The following FRMPD4 variants were observed in gnomAD, a reference collection of about 807,000 sequenced individuals.
FRMPD4 encodes FERM and PDZ domain containing 4, also known as FERM and PDZ domain-containing protein 4.
FRMPD4 carries 22 observed loss-of-function variants against 94.1 expected under a neutral mutation model. The ratio of observed to expected loss-of-function variants is 0.23; its 90% confidence interval spans 0.17 to 0.33. FRMPD4 has a LOEUF of 0.33. Ranked by LOEUF, FRMPD4 falls within the 10% of genes least tolerant of loss-of-function variation. FRMPD4 has a pLI of 1.00. For synonymous variants in FRMPD4, 631 were observed against 548.6 expected (o/e 1.15, Z -2.10); for missense variants, 1,111 against 1,339.9 (o/e 0.83, Z 2.67).
At chrX:12,214,998 C>A (rs891000153) in intron 1 of FRMPD4, among the ~76,000 whole-genome samples, 1 of 110,839 alleles carries the variant, frequency 9.0e-6, no homozygotes, top group African/African-American at 3.3e-5. Flanking sequence ...GATATATATG[C>A]ATATATGTGT....
At chrX:12,625,909 A>G (rs1425478594) in intron 4 of FRMPD4, among the ~76,000 whole-genome samples, 2 of 111,961 alleles carry the variant, frequency 1.8e-5, no homozygotes, top group Non-Finnish European at 3.8e-5. Flanking sequence ...CCCCCAAAAT[A>G]CACACATCTC....
At chrX:12,413,777 G>C (rs2056765010) in intron 1 of FRMPD4, among the ~76,000 whole-genome samples, 3 of 112,458 alleles carry the variant, frequency 2.7e-5, no homozygotes, top group African/African-American at 9.7e-5. Context: ...GCAAATTCTT[G>C]TGTTTGAGGA....
chrX:12,651,820 T>G (rs1057108226), intron 4 of FRMPD4, among the ~76,000 whole-genome samples: 4 of 112,287 alleles, frequency 3.6e-5, no homozygotes, highest in Non-Finnish European at 7.5e-5. Flanking sequence ...TCAAGGCAAA[T>G]TGATTTGAAT....
intron 1 of FRMPD4, among the ~76,000 whole-genome samples, chrX:12,273,076 CA>C (rs748285844): frequency 0.022 from 1,611 of 74,351 alleles, 25 homozygotes; most frequent in African/African-American, 0.069. Context: ...GACTTGGTTT[CA>C]AAAAAAAAAA....
chrX:12,264,785 A>C (rs188619847), intron 1 of FRMPD4, among the ~76,000 whole-genome samples: 1 of 112,544 alleles, frequency 8.9e-6, no homozygotes, highest in Non-Finnish European at 1.9e-5. Context: ...TGACAAAGTT[A>C]TTTTAAGATA....
At chrX:12,483,574 T>G (rs372498735) in intron 1 of FRMPD4, among the ~76,000 whole-genome samples, 1 of 112,130 alleles carries the variant, frequency 8.9e-6, no homozygotes, top group South Asian at 3.7e-4. Flanking sequence ...ATGGAGACCT[T>G]TTATTAGTAT....
intron 1 of FRMPD4, among the ~76,000 whole-genome samples, chrX:12,398,079 T>A (rs1419388169): frequency 9.0e-6 from 1 of 111,190 alleles, no homozygotes; most frequent in Non-Finnish European, 1.9e-5. Flanking sequence ...CACCTTTGAT[T>A]TGACCACTTT....
intron 3 of FRMPD4, among the ~76,000 whole-genome samples, chrX:12,016,787 T>C (rs1211713952): frequency 8.9e-6 from 1 of 111,958 alleles, no homozygotes. Flanking sequence ...CCGACTCCAT[T>C]TCTTCCTCAG....
intron 4 of FRMPD4, among the ~76,000 whole-genome samples, chrX:12,663,131 A>G (rs139050097): frequency 0.068 from 7,588 of 111,652 alleles, 269 homozygotes; most frequent in Middle Eastern, 0.14. Flanking sequence ...GATTGCAAGA[A>G]TTTTCTTCCA....
chrX:12,661,630 C>T (rs1226968489), intron 4 of FRMPD4, among the ~76,000 whole-genome samples: 2 of 111,919 alleles, frequency 1.8e-5, no homozygotes, highest in Non-Finnish European at 3.8e-5. Flanking sequence ...CAAGCTTCAG[C>T]GGCAATGAGC....
intron 3 of FRMPD4, among the ~76,000 whole-genome samples, chrX:11,990,479 T>C (rs748779265): frequency 1.8e-5 from 2 of 112,151 alleles, no homozygotes; most frequent in Non-Finnish European, 3.8e-5. Context: ...TAAATAAAAT[T>C]TAAAAATTAA....
At chrX:11,950,510 G>T (rs918666254) in intron 3 of FRMPD4, among the ~76,000 whole-genome samples, 3 of 111,392 alleles carry the variant, frequency 2.7e-5, no homozygotes, top group African/African-American at 9.8e-5. Context: ...TAGATCTCCA[G>T]ACTTATTCAT....
intron 1 of FRMPD4, among the ~76,000 whole-genome samples, chrX:12,462,222 C>T (rs1404912376): frequency 1.8e-5 from 2 of 111,511 alleles, no homozygotes; most frequent in Non-Finnish European, 3.8e-5. Context: ...TGTTCCAAAC[C>T]ACCTCCTGTG....
chrX:12,576,600 C>G (rs775832201), intron 2 of FRMPD4, among the ~76,000 whole-genome samples: 1 of 112,708 alleles, frequency 8.9e-6, no homozygotes, highest in South Asian at 3.7e-4. Context: ...GAAAACAAAT[C>G]TTTTCTCAGG....
At chrX:12,093,162 T>C (rs140179647) in intron 3 of FRMPD4, among the ~76,000 whole-genome samples, 80 of 111,154 alleles carry the variant, frequency 7.2e-4, no homozygotes, top group African/African-American at 2.5e-3. Flanking sequence ...GACAGTACAG[T>C]GTCCATAGAA....
intron 1 of FRMPD4, among the ~76,000 whole-genome samples, chrX:12,180,370 C>T (rs1202029350): frequency 9.0e-6 from 1 of 111,458 alleles, no homozygotes; most frequent in Non-Finnish European, 1.9e-5. Context: ...AAGAATAAAA[C>T]AGGTAATGCT....
chrX:12,247,425 A>G (rs1255721902), intron 1 of FRMPD4, among the ~76,000 whole-genome samples: 4 of 111,593 alleles, frequency 3.6e-5, no homozygotes, highest in Non-Finnish European at 7.5e-5. Flanking sequence ...CTCCAAAATC[A>G]TTGCTCTCTC....
intron 3 of FRMPD4, among the ~76,000 whole-genome samples, chrX:12,119,444 C>A (rs1435837498): frequency 4.5e-5 from 5 of 112,002 alleles, no homozygotes; most frequent in Non-Finnish European, 9.4e-5. Context: ...TTATTTGTTA[C>A]AATTACATAT....
rs139827260 is a variant in FRMPD4 at position 12,368,508 on chromosome X, A to C, written c.42-130172A>C. ...TACCTGGCGAGGGAACATGTTTTAC[A>C]TCTTCTGCTCTGTGCTATTTTTTTT... is the stretch of plus-strand genomic sequence containing the variant. On this transcript the variant is annotated intron_variant, in intron 1 of 16. Transcript: ENST00000675598. Among the ~76,000 whole-genome samples, 97 of 110,321 alleles carry C rather than the reference A, an allele frequency of 8.8e-4. 2 individuals carry two copies. The East Asian group carries it at 0.026, about 30-fold the overall frequency.
Sources: allele counts gnomAD v4.1 joint callset (sites outside exome capture counted in the v4.1 genomes callset), GRCh38; gene constraint gnomAD v4.1.1; transcripts MANE v1.5; gene names NCBI Gene and HGNC (gene_info 2026-07-23, HGNC 2026-07-21).